Variants in SOS1 observed in about 807,000 individuals in gnomAD.
The protein encoded by SOS1 is son of sevenless homolog 1.
A neutral mutation model predicts 157.6 loss-of-function variants in SOS1; 25 were observed. The ratio of observed to expected loss-of-function variants is 0.16; its 90% confidence interval spans 0.12 to 0.22. The LOEUF (loss-of-function observed/expected upper bound fraction) is 0.22. SOS1 is among the 10% of genes least tolerant of loss of function. SOS1 has a pLI of 1.00. For synonymous variants in SOS1, 528 were observed against 534.0 expected (o/e 0.99, Z 0.16); for missense variants, 1,237 against 1,599.1 (o/e 0.77, Z 3.86).
intron 13 of SOS1, 109 bp downstream of exon 13, chr2:39,013,351 T>C: frequency 1.3e-6 from 1 of 765,310 alleles, no homozygotes; most frequent in Non-Finnish European, 2.3e-6. Flanking sequence ...GTTATGCTGG[T>C]ACTATTATAA....
chr2:39,022,465 T>C lies in SOS1; in HGVS notation c.1858+105A>G. The C allele has an allele frequency of 3.5e-6, 3 of 853,354 alleles. No individual in the cohort carries two copies. In the East Asian group the frequency reaches 7.6e-5, roughly 22 times the overall value. The allele number at this position is 853,354 out of a possible 1,614,324, so 52.9% of individuals were successfully genotyped here. A position where few individuals can be genotyped will look rare whatever the true frequency, so the allele number is the denominator to read the frequency against. ...TTTTTAGTCAAAGAAAAGAGGTCTT[T>C]GGTTGTTAGTTTCTTTTCTATTTTA... is the stretch of plus-strand genomic sequence containing the variant. On this transcript the variant is annotated intron_variant, in intron 10 of 22. Coordinates refer to ENST00000402219, the MANE Select transcript of SOS1 (RefSeq NM_005633.4).
chr2:39,105,923 C>T (rs142166190), intron 1 of SOS1, among the ~76,000 whole-genome samples: 6 of 151,692 alleles, frequency 4.0e-5, no homozygotes, highest in African/African-American at 7.3e-5. Flanking sequence ...AAAATCAAAA[C>T]AGTAAAAATC....
At chr2:39,015,802 C>CTTTTTTTT (rs1054843148) in intron 10 of SOS1, among the ~76,000 whole-genome samples, 5 of 87,416 alleles carry the variant, frequency 5.7e-5, no homozygotes, top group African/African-American at 2.3e-4. Context: ...AATTGTAAAT[C>CTTTTTTTT]TTTTTTTTTT....
intron 14 of SOS1, 76 bp downstream of exon 14, chr2:39,012,050 A>C: frequency 1.9e-6 from 2 of 1,076,152 alleles, no homozygotes; most frequent in Non-Finnish European, 2.9e-6. Flanking sequence ...AAACCCTATA[A>C]GGCAGAAATC....
chr2:39,098,027 A>G (rs748273093), intron 1 of SOS1: 34 of 152,320 alleles, frequency 2.2e-4, no homozygotes, highest in African/African-American at 8.0e-4. Flanking sequence ...ACTGGGCATC[A>G]TTAGTTTAGA....
chr2:38,993,518 T>G (rs1668796635), intron 20 of SOS1: 1 of 152,190 alleles, frequency 6.6e-6, no homozygotes, highest in Non-Finnish European at 1.5e-5. Context: ...TACAGACGTA[T>G]GTATACTACA....
intron 8 of SOS1, among the ~76,000 whole-genome samples, chr2:39,026,525 A>C (rs1204430261): frequency 2.0e-5 from 3 of 152,200 alleles, no homozygotes; most frequent in African/African-American, 7.2e-5. Context: ...CAGCTAGATT[A>C]AAGAAAGCCA....
intron 1 of SOS1, among the ~76,000 whole-genome samples, chr2:39,110,063 T>C (rs1572899486): frequency 6.6e-6 from 1 of 151,458 alleles, no homozygotes; most frequent in East Asian, 1.9e-4. Flanking sequence ...TGTGTGTGTG[T>C]GTGTGTGTGT....
At chr2:39,100,913 T>C (rs1174704297) in intron 1 of SOS1, among the ~76,000 whole-genome samples, 1 of 152,098 alleles carries the variant, frequency 6.6e-6, no homozygotes, top group Admixed American at 6.5e-5. Context: ...AGTGAGACCT[T>C]GTCTCAAAAA....
Position 39,059,624 on chromosome 2 carries a change from A to G in SOS1, c.214-820T>C, listed in dbSNP as rs377701671. On this transcript the variant is annotated intron_variant, in intron 2 of 22. Transcript: ENST00000402219. Reference sequence around the variant, plus strand: ...ATTCAACTAGTATGTAAAAACTACTAGATGAAATTAAACATCATCATAATT... The same window carrying G: ...ATTCAACTAGTATGTAAAAACTACTGGATGAAATTAAACATCATCATAATT... 3.3e-5 allele frequency among the ~76,000 whole-genome samples: 5 copies of G among 152,220 alleles called. No homozygotes were observed. In the East Asian group the frequency reaches 9.6e-4, roughly 29 times the overall value.
intron 1 of SOS1, among the ~76,000 whole-genome samples, chr2:39,094,968 C>G (rs1000321500): frequency 6.6e-6 from 1 of 152,150 alleles, no homozygotes; most frequent in Non-Finnish European, 1.5e-5. Flanking sequence ...GAAATCTTCA[C>G]TGAGCCACAA....
At chr2:39,000,053 T>G (rs1350716561) in intron 17 of SOS1, among the ~76,000 whole-genome samples, 2 of 152,130 alleles carry the variant, frequency 1.3e-5, no homozygotes, top group Middle Eastern at 6.8e-3. Flanking sequence ...GATAAATATT[T>G]AAGAGGTAGA....
In SOS1 at chr2:39,076,716, C is replaced by T. The variant is rs1672012981; in HGVS notation, c.88-8963G>A. Among the ~76,000 whole-genome samples the T allele has an allele frequency of 2.0e-5, 3 of 152,102 alleles. No homozygotes were observed. In the South Asian group the frequency reaches 6.2e-4, roughly 32 times the overall value. ...AATAGTGCAATACTAAAAGAACTAC[C>T]TTTAAAACCAGGGACAAGACAAGGA... On this transcript the variant is annotated intron_variant, in intron 1 of 22. Coordinates refer to ENST00000402219, the MANE Select transcript of SOS1 (RefSeq NM_005633.4).
intron 1 of SOS1, among the ~76,000 whole-genome samples, chr2:39,101,278 C>T (rs966266621): frequency 6.6e-6 from 1 of 152,158 alleles, no homozygotes; most frequent in Non-Finnish European, 1.5e-5. Context: ...GGTACCAACC[C>T]ATTCATGAGG....
intron 1 of SOS1, among the ~76,000 whole-genome samples, chr2:39,071,205 C>T (rs1671780855): frequency 6.6e-6 from 1 of 152,082 alleles, no homozygotes; most frequent in African/African-American, 2.4e-5. Context: ...AAAAATGATA[C>T]ACCCACAATC....
At chr2:39,029,559 G>A (rs562773780) in intron 8 of SOS1, among the ~76,000 whole-genome samples, 2 of 152,130 alleles carry the variant, frequency 1.3e-5, no homozygotes, top group Non-Finnish European at 2.9e-5. Context: ...GGGAGGTTGA[G>A]GATGCAGTGA....
chr2:39,097,249 T>C (rs1011545409), intron 1 of SOS1, among the ~76,000 whole-genome samples: 1 of 152,184 alleles, frequency 6.6e-6, no homozygotes, highest in African/African-American at 2.4e-5. Flanking sequence ...TATATGCAAA[T>C]TGAAGAGATG....
At chr2:39,010,371 A>T (rs1669425446) in intron 15 of SOS1, among the ~76,000 whole-genome samples, 1 of 151,736 alleles carries the variant, frequency 6.6e-6, no homozygotes, top group South Asian at 2.1e-4. Flanking sequence ...TGAGTGTGAT[A>T]TCACACACTT....
intron 1 of SOS1, among the ~76,000 whole-genome samples, chr2:39,094,919 T>C (rs1308114913): frequency 6.6e-6 from 1 of 152,136 alleles, no homozygotes; most frequent in Non-Finnish European, 1.5e-5. Flanking sequence ...GTTAGTCCAG[T>C]GGTTTTCAAA....
Sources: gnomAD v4.1 joint callset for allele counts (sites outside exome capture counted in the v4.1 genomes callset) on GRCh38, gnomAD v4.1.1 for gene constraint, MANE v1.5 for transcripts, NCBI Gene and HGNC (gene_info 2026-07-23, HGNC 2026-07-21) for gene names.